The following ITGA8 variants were observed in gnomAD, a reference collection of about 807,000 sequenced individuals.
ITGA8 encodes the protein integrin alpha-8.
ITGA8 carries 91 observed loss-of-function variants against 142.3 expected under a neutral mutation model. The ratio of observed to expected loss-of-function variants is 0.64; its 90% CI spans 0.54 to 0.76. The LOEUF is 0.76. Ranked by LOEUF, ITGA8 falls within the 30% of genes least tolerant of loss-of-function variation. The pLI, the probability that ITGA8 is intolerant of heterozygous loss-of-function variation, is 0.00. For synonymous variants in ITGA8, 505 were observed against 485.2 expected (o/e 1.04, Z -0.54); for missense variants, 1,406 against 1,327.7 (o/e 1.06, Z -0.92).
At chr10:15,549,086 C>T (rs1443245275) in intron 26 of ITGA8, among the ~76,000 whole-genome samples, 3 of 151,906 alleles carry the variant, frequency 2.0e-5, no homozygotes, top group Admixed American at 6.6e-5. Flanking sequence ...TCTAGAATTG[C>T]CCAGCGTATA....
intron 28 of ITGA8, among the ~76,000 whole-genome samples, chr10:15,526,394 T>A (rs1412431709): frequency 6.6e-6 from 1 of 152,146 alleles, no homozygotes; most frequent in African/African-American, 2.4e-5. Flanking sequence ...CAGGCTGGTC[T>A]CAAACTCCCG....
rs114948169 is a variant in ITGA8 at position 15,548,974 on chromosome 10, G to C, written c.2767-406C>G. The stretch of plus-strand genomic sequence containing the variant: ...AAAGATCTACAGTTACTGACCGATT[G>C]ACATACATTTGTTCCATAACGTTCT... On this transcript the variant is annotated intron_variant, in intron 26 of 29. Coordinates refer to ENST00000378076, the MANE Select transcript of ITGA8 (RefSeq NM_003638.3). 4.4e-3 allele frequency among the ~76,000 whole-genome samples: 667 copies of C among 152,188 alleles called. 4 individuals are homozygous for C. Among genetic ancestry groups the C allele is most frequent in the African/African-American group, 0.015 (632 of 41,500 alleles).
chr10:15,616,480 TGA>T, intron 14 of ITGA8, 32 bp downstream of exon 14: 1 of 1,517,952 alleles, frequency 6.6e-7, no homozygotes. Context: ...TTTGAAACAA[TGA>T]GAAAAACATT....
chr10:15,653,885 A>G (rs10904609), intron 11 of ITGA8, among the ~76,000 whole-genome samples: 14,814 of 146,160 alleles, frequency 0.1, 921 homozygotes, highest in East Asian at 0.3. Context: ...CCCAGGCTGG[A>G]GTGCAGTGGT....
intron 2 of ITGA8, among the ~76,000 whole-genome samples, chr10:15,706,285 TA>T: frequency 6.6e-6 from 1 of 152,194 alleles, no homozygotes; most frequent in East Asian, 1.9e-4. Context: ...CATTTCCAAA[TA>T]AAGCCCCAAA....
rs1219099642 is a variant in ITGA8, at chr10:15,692,703, AT to A, written c.344-4666del. ...ACACAATTGTACATACACTTTGCAG[AT>A]GTCAGCATGAGTGGGGCCATCTGGG... On this transcript the variant is annotated intron_variant, in intron 2 of 29. Coordinates refer to ENST00000378076, the MANE Select transcript of ITGA8 (RefSeq NM_003638.3). 2.6e-5 allele frequency among the ~76,000 whole-genome samples: 4 copies of A among 152,208 alleles called. No individual in the cohort carries two copies. In the East Asian group the frequency reaches 7.7e-4, roughly 29 times the overall value.
Position 15,561,232 on chromosome 10 carries a change from T to TAC in ITGA8, c.2638-3031_2638-3030insGT, listed in dbSNP as rs1414835690. Among the ~76,000 whole-genome samples the TAC allele has an allele frequency of 3.0e-3, 255 of 85,486 alleles. 2 individuals carry two copies. Among genetic ancestry groups the TAC allele is most frequent in the African/African-American group, 0.01 (238 of 23,776 alleles). The allele number at this position is 85,486 out of a possible 152,430, so 56.1% of individuals were successfully genotyped here. Reference sequence around the variant, plus strand: ...GGCTATATATATATATATATATATATATGTATATATATATATATATATGTA... The same window carrying TAC: ...GGCTATATATATATATATATATATATACATGTATATATATATATATATATGTA... On this transcript the variant is annotated intron_variant, in intron 25 of 29. Coordinates refer to ENST00000378076, the MANE Select transcript of ITGA8 (RefSeq NM_003638.3).
chr10:15,661,600 C>T (rs182902654), intron 8 of ITGA8, among the ~76,000 whole-genome samples: 4 of 152,228 alleles, frequency 2.6e-5, no homozygotes, highest in Admixed American at 2.0e-4. Context: ...CTTGAGTCTG[C>T]GTGTGATTTA....
intron 27 of ITGA8, among the ~76,000 whole-genome samples, chr10:15,536,784 T>G (rs1384150385): frequency 2.6e-5 from 4 of 152,232 alleles, no homozygotes. Context: ...CATGCACTTT[T>G]GCACAATGAT....
chr10:15,718,071 T>C (rs1193504422), intron 2 of ITGA8, among the ~76,000 whole-genome samples: 1 of 152,254 alleles, frequency 6.6e-6, no homozygotes, highest in Non-Finnish European at 1.5e-5. Context: ...CATTCGGTGT[T>C]AATGTTTTTG....
At chr10:15,529,676 G>C (rs992969117) in intron 28 of ITGA8, among the ~76,000 whole-genome samples, 1 of 152,212 alleles carries the variant, frequency 6.6e-6, no homozygotes, top group Non-Finnish European at 1.5e-5. Flanking sequence ...ACTCAGGGTA[G>C]AGAAACACAA....
chr10:15,626,106 C>A (rs1833576753), intron 13 of ITGA8, among the ~76,000 whole-genome samples: 1 of 152,228 alleles, frequency 6.6e-6, no homozygotes. Flanking sequence ...AGCTTCCTTG[C>A]ATGTTGTATA....
At chr10:15,585,737 G>A (rs889415561) in intron 23 of ITGA8, among the ~76,000 whole-genome samples, 2 of 152,312 alleles carry the variant, frequency 1.3e-5, no homozygotes, top group African/African-American at 4.8e-5. Context: ...CATGGATTTT[G>A]CAGCTGGTAG....
chr10:15,655,538 G>T (rs1834168903), intron 10 of ITGA8, 132 bp from the exon 11 acceptor site: 2 of 685,830 alleles, frequency 2.9e-6, no homozygotes, highest in African/African-American at 3.7e-5. Context: ...TCTTCGAAGT[G>T]GCCAGGGTCT....
At chr10:15,670,728 C>T (rs893975164) in intron 8 of ITGA8, among the ~76,000 whole-genome samples, 1 of 152,120 alleles carries the variant, frequency 6.6e-6, no homozygotes. Context: ...TATATTTACT[C>T]CTCAGCTGAA....
chr10:15,710,696 G>A (rs1835347176), intron 2 of ITGA8, among the ~76,000 whole-genome samples: 1 of 152,228 alleles, frequency 6.6e-6, no homozygotes, highest in Non-Finnish European at 1.5e-5. Flanking sequence ...AGCGAGGCAA[G>A]AGGGGGCAGG....
Position 15,719,552 on chromosome 10 carries a change from G to T in ITGA8, c.209+11C>A. On this transcript the variant is annotated intron_variant, in intron 1 of 29. Transcript: ENST00000378076. Reference sequence around the variant, plus strand: ...GTCCCCGCGCGCACCTCCCCGGGTCGGGCGACTTACGTGCGGGCGTCGGGT... The same window carrying T: ...GTCCCCGCGCGCACCTCCCCGGGTCTGGCGACTTACGTGCGGGCGTCGGGT... 1 of 1,548,604 alleles carries T rather than the reference G, an allele frequency of 6.5e-7. No individual in the cohort carries two copies. The highest frequency in any genetic ancestry group is 8.6e-7 in the Non-Finnish European group (1 of 1,157,476).
chr10:15,589,045 A>G (rs1832879053), intron 22 of ITGA8, among the ~76,000 whole-genome samples: 1 of 152,174 alleles, frequency 6.6e-6, no homozygotes, highest in African/African-American at 2.4e-5. Flanking sequence ...TCCCTCACTA[A>G]TACCGCTGCT....
chr10:15,582,104 T>C (rs542899545), intron 23 of ITGA8, among the ~76,000 whole-genome samples: 1 of 152,266 alleles, frequency 6.6e-6, no homozygotes, highest in South Asian at 2.1e-4. Flanking sequence ...CTCAGCATGG[T>C]GGCGCATGCC....
Sources: gnomAD v4.1 joint callset for allele counts (sites outside exome capture counted in the v4.1 genomes callset) on GRCh38, gnomAD v4.1.1 for gene constraint, MANE v1.5 for transcripts, NCBI Gene and HGNC (gene_info 2026-07-23, HGNC 2026-07-21) for gene names.